The following NSL1 variants were observed in gnomAD, a reference collection of about 807,000 sequenced individuals.
NSL1 encodes NSL1 component of MIS12 kinetochore complex.
A neutral mutation model predicts 25.4 loss-of-function variants in NSL1; 11 were observed. The ratio of observed to expected loss-of-function variants is 0.43; its 90% CI spans 0.27 to 0.72. NSL1 has a LOEUF of 0.72. Ranked by LOEUF, NSL1 falls within the 30% of genes least tolerant of loss-of-function variation. The pLI is 0.19. For missense variants in NSL1, 330 were observed against 342.7 expected, an observed-to-expected ratio of 0.96 and a Z score of 0.29; for synonymous variants, 118 against 120.6, an observed-to-expected ratio of 0.98 and a Z score of 0.14.
chr1:212,745,198 A>ATATATG (rs1658728153), intron 4 of NSL1, among the ~76,000 whole-genome samples: 5 of 80,518 alleles, frequency 6.2e-5, no homozygotes, highest in Middle Eastern at 6.0e-3. Context: ...ATATATATAT[A>ATATATG]TATATGCATA....
Position 212,730,091 on chromosome 1 carries a change from A to G in NSL1, c.*8317T>C. 1.2e-6 allele frequency: 1 copy of G among 832,436 alleles called. No homozygotes were observed. Among genetic ancestry groups the G allele is most frequent in the South Asian group, 5.5e-5 (1 of 18,232 alleles). 51.6% of individuals were successfully genotyped at this position (832,436 alleles called of 1,614,324 possible). A position where few individuals can be genotyped will look rare whatever the true frequency, so the allele number is the denominator to read the frequency against. ...CATGGCAAAACCTCATCTCTATAAA[A>G]ATGCAAATATTAGCCCAGCATGGTA... is the stretch of plus-strand genomic sequence containing the variant. On this transcript the variant is annotated 3_prime_UTR_variant, in exon 6 of 6. Transcript: ENST00000366977.
chr1:212,776,220 G>A (rs1038376878), intron 4 of NSL1, among the ~76,000 whole-genome samples: 9 of 152,034 alleles, frequency 5.9e-5, no homozygotes, highest in Admixed American at 3.3e-4. Context: ...AAAATTAGCT[G>A]GGTGTGGTGG....
chr1:212,778,645 C>G (rs1486107233), intron 4 of NSL1, among the ~76,000 whole-genome samples: 1 of 152,164 alleles, frequency 6.6e-6, no homozygotes, highest in Admixed American at 6.5e-5. Flanking sequence ...GAGTGATCTG[C>G]CAGCCTCGGC....
At position 212,735,400 on chromosome 1, in the gene NSL1, T is replaced by G. The variant is rs559877090; in HGVS notation, c.*3008A>C. On this transcript the variant is annotated 3_prime_UTR_variant, in exon 6 of 6. Transcript: ENST00000366977. The stretch of plus-strand genomic sequence containing the variant: ...GGTGTTCACCAGAAATCAAACAAAT[T>G]CAGCCTTAGAAAAGAAAAAGTACAT... The G allele has an allele frequency of 6.0e-5, 59 of 985,400 alleles. No homozygotes were observed. The South Asian group carries it at 2.4e-3, about 41-fold the overall frequency. 61.0% of individuals were successfully genotyped at this position (985,400 alleles called of 1,614,324 possible). A position where few individuals can be genotyped will look rare whatever the true frequency, so the allele number is the denominator to read the frequency against.
chr1:212,771,907 T>C lies in NSL1; in HGVS notation c.499+10465A>G, dbSNP rs572209443. ...GTCCCCACCCAAATCTCATCTTGAA[T>C]TGTAGCTCCCATAATTCCCACATAT... On this transcript the variant is annotated intron_variant, in intron 4 of 5. Transcript: ENST00000366977. 1.8e-4 allele frequency among the ~76,000 whole-genome samples: 28 copies of C among 152,288 alleles called. No individual in the cohort carries two copies. In the South Asian group the frequency reaches 5.6e-3, roughly 31 times the overall value.
intron 5 of NSL1, among the ~76,000 whole-genome samples, chr1:212,739,089 T>C (rs190172262): frequency 8.3e-4 from 127 of 152,308 alleles, no homozygotes; most frequent in East Asian, 6.0e-3. Context: ...TGCTGGATTG[T>C]AGGTTACTTA....
At chr1:212,772,847 A>G (rs1022284427) in intron 4 of NSL1, among the ~76,000 whole-genome samples, 1 of 152,232 alleles carries the variant, frequency 6.6e-6, no homozygotes, top group East Asian at 1.9e-4. Flanking sequence ...ATTGGTATTT[A>G]AAAAGACATG....
chr1:212,768,194 C>T (rs1448155999), intron 4 of NSL1, among the ~76,000 whole-genome samples: 1 of 152,028 alleles, frequency 6.6e-6, no homozygotes, highest in Non-Finnish European at 1.5e-5. Flanking sequence ...GTGGCACACG[C>T]CTGTAGTCCC....
Position 212,728,975 on chromosome 1 carries a change from G to A in NSL1, c.*9433C>T. Reference sequence around the variant, plus strand: ...AATATGAAAGAAAAAGAAATGAGGAGTAATTTTAGTAAGGAGGATTTCTAA... The same window carrying A: ...AATATGAAAGAAAAAGAAATGAGGAATAATTTTAGTAAGGAGGATTTCTAA... On this transcript the variant is annotated 3_prime_UTR_variant, in exon 6 of 6. Coordinates refer to ENST00000366977, the MANE Select transcript of NSL1 (RefSeq NM_015471.4). 3 of 985,026 alleles carry A rather than the reference G, an allele frequency of 3.0e-6. No homozygotes were observed. The highest frequency in any genetic ancestry group is 3.6e-6 in the Non-Finnish European group (3 of 829,712). The allele number at this position is 985,026 out of a possible 1,614,324, so 61.0% of individuals were successfully genotyped here.
At chr1:212,755,040 A>G (rs1659241612) in intron 4 of NSL1, among the ~76,000 whole-genome samples, 1 of 152,192 alleles carries the variant, frequency 6.6e-6, no homozygotes, top group Non-Finnish European at 1.5e-5. Flanking sequence ...AGATATGCAC[A>G]TGAAAAATTC....
chr1:212,726,837 C>A lies in NSL1; in HGVS notation c.*11571G>T. On this transcript the variant is annotated 3_prime_UTR_variant, in exon 6 of 6. Coordinates refer to ENST00000366977, the MANE Select transcript of NSL1 (RefSeq NM_015471.4). ...CCTCCATGTGGCACGTGGGGATCTC[C>A]AAATGACTTCTGTGCAACAACAGAG... The A allele has an allele frequency of 3.2e-6, 1 of 309,582 alleles. No individual in the cohort carries two copies. Among genetic ancestry groups the A allele is most frequent in the Admixed American group, 4.8e-5 (1 of 20,990 alleles). The allele number at this position is 309,582 out of a possible 1,614,324, so 19.2% of individuals were successfully genotyped here. A position where few individuals can be genotyped will look rare whatever the true frequency, so the allele number is the denominator to read the frequency against.
In NSL1 at chr1:212,738,573, T is replaced by C. The variant is rs950135474; in HGVS notation, c.681A>G (p.Lys227=). ...TAAAGTTCTCAGGTTTAGCATCTGG[T>C]TTCCTATGACAACTGGAAAAGACTT... The part of the protein sequence containing the change: ...HQEVFSSCHR[K]PDAKPENFIT... The change falls in exon 6 of 6, where the codon AAA becomes AAG. Residue 227 remains lysine (K), a synonymous_variant. Transcript: ENST00000366977. The C allele has an allele frequency of 1.2e-6, 2 of 1,614,142 alleles. No homozygotes were observed.
Position 212,736,521 on chromosome 1 carries a change from T to C in NSL1, c.*1887A>G. ...CTTCTCCTCTTACACAGTATACTTA[T>C]TCAATATTATTACTGCTATTGGTCA... On this transcript the variant is annotated 3_prime_UTR_variant, in exon 6 of 6. Coordinates refer to ENST00000366977, the MANE Select transcript of NSL1 (RefSeq NM_015471.4). 1 of 984,808 alleles carries C rather than the reference T, an allele frequency of 1.0e-6. No homozygotes were observed. The highest frequency in any genetic ancestry group is 1.2e-6 in the Non-Finnish European group (1 of 829,366). The allele number at this position is 984,808 out of a possible 1,614,324, so 61.0% of individuals were successfully genotyped here. A position where few individuals can be genotyped will look rare whatever the true frequency, so the allele number is the denominator to read the frequency against.
At chr1:212,747,237 G>A (rs1030631337) in intron 4 of NSL1, among the ~76,000 whole-genome samples, 1 of 152,136 alleles carries the variant, frequency 6.6e-6, no homozygotes, top group Non-Finnish European at 1.5e-5. Flanking sequence ...TGCATGACCA[G>A]TAACTAACAG....
intron 4 of NSL1, among the ~76,000 whole-genome samples, chr1:212,755,516 G>A (rs182881263): frequency 2.2e-4 from 33 of 151,634 alleles, no homozygotes; most frequent in Admixed American, 1.5e-3. Flanking sequence ...CCATGGAGTT[G>A]AACTATGTTA....
chr1:212,768,888 T>C (rs1659964804), intron 4 of NSL1, among the ~76,000 whole-genome samples: 1 of 151,970 alleles, frequency 6.6e-6, no homozygotes, highest in South Asian at 2.1e-4. Flanking sequence ...TTAAAAAATA[T>C]ACAGACTAGA....
intron 4 of NSL1, chr1:212,766,276 G>T: frequency 1.6e-6 from 1 of 624,586 alleles, no homozygotes; most frequent in Non-Finnish European, 2.9e-6. Context: ...GTTGAGAACT[G>T]GAACAAGACA....
In NSL1 at chr1:212,737,326, T is replaced by C; in HGVS notation, c.*1082A>G. The C allele has an allele frequency of 1.0e-6, 1 of 985,144 alleles. No homozygotes were observed. The highest frequency in any genetic ancestry group is 1.2e-6 in the Non-Finnish European group (1 of 829,652). 61.0% of individuals were successfully genotyped at this position (985,144 alleles called of 1,614,324 possible). ...TTCTGGTGAATCTAGACATTTATGA[T>C]TATTAATACATAATAAGCAAGAGAA... is the stretch of plus-strand genomic sequence containing the variant. On this transcript the variant is annotated 3_prime_UTR_variant, in exon 6 of 6. Coordinates refer to ENST00000366977, the MANE Select transcript of NSL1 (RefSeq NM_015471.4).
At chr1:212,766,266 G>A (rs367638299) in intron 4 of NSL1, 95 of 631,178 alleles carry the variant, frequency 1.5e-4, no homozygotes, top group South Asian at 2.2e-4. Flanking sequence ...AAGCATTCCC[G>A]TTGAGAACTG....
Sources: gnomAD v4.1 joint callset for allele counts (sites outside exome capture counted in the v4.1 genomes callset) on GRCh38, gnomAD v4.1.1 for gene constraint, MANE v1.5 for transcripts, NCBI Gene and HGNC (gene_info 2026-07-23, HGNC 2026-07-21) for gene names.